Variants in NSMCE2 observed in about 807,000 individuals in gnomAD.
The protein encoded by NSMCE2 is NSE2 SUMO ligase component of SMC5/6 complex.
A neutral mutation model predicts 23.8 loss-of-function variants in NSMCE2; 24 were observed. The ratio of observed to expected loss-of-function variants is 1.01; its 90% CI spans 0.73 to 1.42. The LOEUF (loss-of-function observed/expected upper bound fraction) is 1.42. Ranked by LOEUF, NSMCE2 falls within the 40% of genes most tolerant of loss-of-function variation. The probability of loss-of-function intolerance (pLI) is 0.00; values close to 1 mark genes in which losing one functional copy is unlikely to be tolerated. For synonymous variants in NSMCE2, 92 were observed against 94.1 expected, an observed-to-expected ratio of 0.98 and a Z score of 0.13; for missense variants, 284 against 296.5, an observed-to-expected ratio of 0.96 and a Z score of 0.31.
At chr8:125,294,777 A>G (rs1364390196) in intron 5 of NSMCE2, among the ~76,000 whole-genome samples, 3 of 152,226 alleles carry the variant, frequency 2.0e-5, no homozygotes, top group South Asian at 2.1e-4. Context: ...GTTTTGCGCT[A>G]TGAATTCATT....
chr8:125,342,506 G>T (rs1372003927), intron 5 of NSMCE2, among the ~76,000 whole-genome samples: 1 of 152,006 alleles, frequency 6.6e-6, no homozygotes, highest in Non-Finnish European at 1.5e-5. Context: ...CAAGGAGGGG[G>T]TGGGTGAGAG....
chr8:125,324,828 C>A, intron 5 of NSMCE2, among the ~76,000 whole-genome samples: 1 of 119,590 alleles, frequency 8.4e-6, no homozygotes, highest in African/African-American at 2.6e-5. Context: ...CCCGCCTCGG[C>A]CTCCCAAAGT....
At chr8:125,123,995 C>T (rs927995073) in intron 3 of NSMCE2, 6 of 152,150 alleles carry the variant, frequency 3.9e-5, no homozygotes, top group Non-Finnish European at 7.4e-5. Flanking sequence ...AATTTTAGAA[C>T]ATTTTCATCA....
rs11359401 is a variant in NSMCE2, at chr8:125,349,583, T to TA, written c.419-7620dup. Among the ~76,000 whole-genome samples, 613 of 143,838 alleles carry TA rather than the reference T, an allele frequency of 4.3e-3. 2 individuals carry two copies. Among genetic ancestry groups the TA allele is most frequent in the African/African-American group, 9.4e-3 (363 of 38,734 alleles). 94.4% of individuals were successfully genotyped at this position (143,838 alleles called of 152,430 possible). On this transcript the variant is annotated intron_variant, in intron 5 of 7. Coordinates refer to ENST00000287437, the MANE Select transcript of NSMCE2 (RefSeq NM_173685.4). ...CAGCAACATAGTGAGAGCTTGTATT[T>TA]AAAAAAAAAAAAAAAAGAAAGAAAA...
intron 4 of NSMCE2, among the ~76,000 whole-genome samples, chr8:125,162,006 C>T (rs1190817763): frequency 6.6e-6 from 1 of 152,098 alleles, no homozygotes; most frequent in Non-Finnish European, 1.5e-5. Flanking sequence ...TCCTCTCTAC[C>T]CATCAGGTCA....
intron 4 of NSMCE2, among the ~76,000 whole-genome samples, chr8:125,163,135 G>A (rs1370388577): frequency 6.6e-6 from 1 of 152,148 alleles, no homozygotes. Context: ...GGGAGGCCGA[G>A]GTGGGAGGAT....
chr8:125,208,364 C>T (rs1045516477), intron 5 of NSMCE2, among the ~76,000 whole-genome samples: 37 of 152,136 alleles, frequency 2.4e-4, no homozygotes, highest in African/African-American at 8.7e-4. Flanking sequence ...TTGCCTGGCA[C>T]TGGACTAGAT....
At chr8:125,219,087 C>A (rs1300462888) in intron 5 of NSMCE2, among the ~76,000 whole-genome samples, 1 of 152,158 alleles carries the variant, frequency 6.6e-6, no homozygotes. Context: ...CCCTGAACAC[C>A]AGTCCACTAA....
At chr8:125,127,719 A>C (rs1819580764) in intron 3 of NSMCE2, among the ~76,000 whole-genome samples, 1 of 152,106 alleles carries the variant, frequency 6.6e-6, no homozygotes, top group East Asian at 1.9e-4. Flanking sequence ...GCTGAAACTT[A>C]ATAATACAGG....
chr8:125,115,798 A>T (rs1818979474), intron 3 of NSMCE2, among the ~76,000 whole-genome samples: 1 of 152,230 alleles, frequency 6.6e-6, no homozygotes. Flanking sequence ...TTGACCTGGG[A>T]GATGCTTGCT....
chr8:125,168,150 A>C (rs1276969318), intron 4 of NSMCE2, among the ~76,000 whole-genome samples: 2 of 152,184 alleles, frequency 1.3e-5, no homozygotes, highest in Non-Finnish European at 2.9e-5. Flanking sequence ...TTATGAGTTT[A>C]AGCTGCCTCT....
intron 3 of NSMCE2, among the ~76,000 whole-genome samples, chr8:125,145,392 CG>C (rs558296449): frequency 5.9e-5 from 9 of 151,890 alleles, no homozygotes; most frequent in Admixed American, 2.0e-4. Context: ...GGTGGCAGTG[CG>C]GGGGGGATAG....
intron 4 of NSMCE2, among the ~76,000 whole-genome samples, chr8:125,169,006 C>T (rs1822036993): frequency 6.6e-6 from 1 of 152,178 alleles, no homozygotes; most frequent in African/African-American, 2.4e-5. Flanking sequence ...GTGACTCACC[C>T]AGGGTTACAC....
chr8:125,340,521 C>G (rs889340747), intron 5 of NSMCE2, among the ~76,000 whole-genome samples: 2 of 152,138 alleles, frequency 1.3e-5, no homozygotes, highest in African/African-American at 4.8e-5. Flanking sequence ...ATTTTATTCT[C>G]TTTACTTGTT....
At chr8:125,164,342 G>A (rs1437009611) in intron 4 of NSMCE2, among the ~76,000 whole-genome samples, 1 of 152,184 alleles carries the variant, frequency 6.6e-6, no homozygotes, top group East Asian at 1.9e-4. Flanking sequence ...TGTAATTCAA[G>A]GCTGTTTTCA....
chr8:125,186,394 A>C (rs1823105059), intron 5 of NSMCE2, among the ~76,000 whole-genome samples: 1 of 152,070 alleles, frequency 6.6e-6, no homozygotes, highest in African/African-American at 2.4e-5. Context: ...GGCAGTTTTT[A>C]TTTTTTTAAT....
At chr8:125,198,249 C>T (rs1381546372) in intron 5 of NSMCE2, among the ~76,000 whole-genome samples, 1 of 152,190 alleles carries the variant, frequency 6.6e-6, no homozygotes, top group Non-Finnish European at 1.5e-5. Flanking sequence ...TGAGAGAGGG[C>T]AGCCTTATCT....
rs1209146983 is a variant in NSMCE2 at position 125,339,836 on chromosome 8, A to G, written c.419-17383A>G. 2.0e-5 allele frequency among the ~76,000 whole-genome samples: 3 copies of G among 151,826 alleles called. 1 individual carries two copies. The highest frequency in any genetic ancestry group is 6.3e-3 in the Middle Eastern group (2 of 316). On this transcript the variant is annotated intron_variant, in intron 5 of 7. Transcript: ENST00000287437. ...GCTACAGTCGTGGGTTTCCTTGTCT[A>G]TTTCAACCCCATCCTCTGTGCCTGG...
chr8:125,154,447 A>G (rs1821202082), intron 4 of NSMCE2, among the ~76,000 whole-genome samples: 1 of 151,350 alleles, frequency 6.6e-6, no homozygotes, highest in South Asian at 2.1e-4. Flanking sequence ...AAACAGGGCT[A>G]CTATACTCCA....
Sources: gnomAD v4.1 joint callset for allele counts (sites outside exome capture counted in the v4.1 genomes callset) on GRCh38, gnomAD v4.1.1 for gene constraint, MANE v1.5 for transcripts, NCBI Gene and HGNC (gene_info 2026-07-23, HGNC 2026-07-21) for gene names.